SCHIP1: variants seen among roughly 807,000 people sequenced by gnomAD.
SCHIP1 encodes schwannomin-interacting protein 1.
Under a neutral mutation model 29.7 loss-of-function variants are expected in SCHIP1, and 8 were observed. The ratio of observed to expected loss-of-function variants is 0.27; its 90% confidence interval spans 0.16 to 0.49. The LOEUF is 0.49. Ranked by LOEUF, SCHIP1 falls within the 20% of genes least tolerant of loss-of-function variation. The pLI is 0.99. For missense variants in SCHIP1, 193 were observed against 294.6 expected (o/e 0.66, Z 2.52); for synonymous variants, 76 against 94.9 (o/e 0.80, Z 1.16).
the SCHIP1 span, among the ~76,000 whole-genome samples, chr3:159,299,019 T>G: frequency 0.028 from 4,198 of 152,264 alleles, 194 homozygotes; most frequent in African/African-American, 0.097. Flanking sequence ...AACAAAAAAC[T>G]TTTTGTTGAA....
chr3:159,894,029 C>T (rs1717816788), intron 6 of SCHIP1: 1 of 152,206 alleles, frequency 6.6e-6, no homozygotes, highest in South Asian at 2.1e-4. Context: ...TTTACCTGTA[C>T]AACTCCTACT....
chr3:159,432,285 GATGTGT>G, the SCHIP1 span, among the ~76,000 whole-genome samples: 29 of 114,180 alleles, frequency 2.5e-4, no homozygotes, highest in Non-Finnish European at 4.7e-4. Context: ...CAGAGTAGGT[GATGTGT>G]GTGTGTGTGT....
chr3:159,313,962 C>T, the SCHIP1 span, among the ~76,000 whole-genome samples: 1 of 152,136 alleles, frequency 6.6e-6, no homozygotes, highest in South Asian at 2.1e-4. Context: ...AGGTAAAGTG[C>T]GTGCTTTGCT....
chr3:159,539,419 A>T, the SCHIP1 span, among the ~76,000 whole-genome samples: 2 of 136,870 alleles, frequency 1.5e-5, 1 homozygote, highest in East Asian at 4.8e-4. Flanking sequence ...AGTATATCAA[A>T]GTTTAATAAC....
At chr3:159,498,453 A>T in the SCHIP1 span, among the ~76,000 whole-genome samples, 1 of 152,232 alleles carries the variant, frequency 6.6e-6, no homozygotes, top group African/African-American at 2.4e-5. Context: ...TTGTGGATAA[A>T]TGTCAAAGGA....
At chr3:159,627,633 G>C in the SCHIP1 span, among the ~76,000 whole-genome samples, 1 of 152,144 alleles carries the variant, frequency 6.6e-6, no homozygotes, top group Admixed American at 6.5e-5. Flanking sequence ...TGCTTATCTG[G>C]GAGTTCATCG....
At chr3:159,487,070 C>T in the SCHIP1 span, among the ~76,000 whole-genome samples, 1 of 152,134 alleles carries the variant, frequency 6.6e-6, no homozygotes, top group Non-Finnish European at 1.5e-5. Context: ...AGAGCAGAGG[C>T]CTGCTCAGGT....
At chr3:159,779,169 C>T in the SCHIP1 span, among the ~76,000 whole-genome samples, 2 of 152,054 alleles carry the variant, frequency 1.3e-5, no homozygotes, top group Non-Finnish European at 2.9e-5. Context: ...GGAACAAATG[C>T]CACTCAGGAT....
chr3:159,616,460 T>G, the SCHIP1 span, among the ~76,000 whole-genome samples: 120 of 152,262 alleles, frequency 7.9e-4, no homozygotes, highest in Non-Finnish European at 1.5e-3. Flanking sequence ...AGAGGACCTA[T>G]TCCTCTTCTG....
At chr3:159,422,880 G>A in the SCHIP1 span, among the ~76,000 whole-genome samples, 304 of 152,270 alleles carry the variant, frequency 2.0e-3, 6 homozygotes, top group East Asian at 0.053. Context: ...CTAGTGAGGG[G>A]CTATTGCAAA....
chr3:159,465,315 T>TTGTGTG, the SCHIP1 span, among the ~76,000 whole-genome samples: 193 of 148,368 alleles, frequency 1.3e-3, no homozygotes, highest in African/African-American at 4.2e-3. Flanking sequence ...ATGTGTATGA[T>TTGTGTG]TGTGTGTGTG....
chr3:159,440,810 A>G, the SCHIP1 span, among the ~76,000 whole-genome samples: 1 of 152,172 alleles, frequency 6.6e-6, no homozygotes, highest in Non-Finnish European at 1.5e-5. Flanking sequence ...TTGACTCAGC[A>G]TACATACTCA....
the SCHIP1 span, among the ~76,000 whole-genome samples, chr3:159,705,752 G>C: frequency 6.6e-6 from 1 of 152,230 alleles, no homozygotes; most frequent in Admixed American, 6.5e-5. Flanking sequence ...TGTCGCCCAG[G>C]CTGGAGTGCA....
intron 1 of SCHIP1, among the ~76,000 whole-genome samples, chr3:159,849,507 G>A (rs933714667): frequency 1.1e-4 from 17 of 152,178 alleles, no homozygotes; most frequent in Non-Finnish European, 2.9e-5. Flanking sequence ...TGAACCCCAA[G>A]TGCAGTGGAC....
At chr3:159,884,304 C>A (rs1423666887) in intron 2 of SCHIP1, among the ~76,000 whole-genome samples, 2 of 150,478 alleles carry the variant, frequency 1.3e-5, no homozygotes, top group East Asian at 3.9e-4. Flanking sequence ...GTAACCTGAA[C>A]ATATTAGATT....
At chr3:159,791,409 G>A in the SCHIP1 span, among the ~76,000 whole-genome samples, 1 of 152,218 alleles carries the variant, frequency 6.6e-6, no homozygotes, top group Non-Finnish European at 1.5e-5. Flanking sequence ...AAAGGGAAGA[G>A]GCGATGTTAC....
chr3:159,524,572 A>G, the SCHIP1 span, among the ~76,000 whole-genome samples: 10 of 152,210 alleles, frequency 6.6e-5, no homozygotes, highest in Non-Finnish European at 4.4e-5. Flanking sequence ...CAGAAGCCCT[A>G]TAAATTGCTG....
the SCHIP1 span, among the ~76,000 whole-genome samples, chr3:159,738,566 T>C: frequency 6.6e-6 from 1 of 152,224 alleles, no homozygotes; most frequent in Non-Finnish European, 1.5e-5. Context: ...TCCTAACATT[T>C]ATTATAAATG....
At chr3:159,850,239 A>G (rs1238843725) in intron 1 of SCHIP1, among the ~76,000 whole-genome samples, 3 of 152,166 alleles carry the variant, frequency 2.0e-5, no homozygotes, top group African/African-American at 7.2e-5. Context: ...GAGCTGTATT[A>G]GTCCATTGTT....
Sources: gnomAD v4.1 joint callset for allele counts (sites outside exome capture counted in the v4.1 genomes callset) on GRCh38, gnomAD v4.1.1 for gene constraint, MANE v1.5 for transcripts, NCBI Gene and HGNC (gene_info 2026-07-23, HGNC 2026-07-21) for gene names.